The following CDC42BPA variants were observed in gnomAD, a reference collection of about 807,000 sequenced individuals.
CDC42BPA encodes the protein serine/threonine-protein kinase MRCK alpha.
A neutral mutation model predicts 223.5 loss-of-function variants in CDC42BPA; 80 were observed. That is an observed-to-expected ratio of 0.36 (90% CI 0.30 to 0.43). The LOEUF (loss-of-function observed/expected upper bound fraction) is 0.43. CDC42BPA is among the 20% of genes least tolerant of loss of function. CDC42BPA has a pLI of 1.00. For missense variants in CDC42BPA, 1,743 were observed against 2,099.9 expected (o/e 0.83, Z 3.32); for synonymous variants, 694 against 718.6 (o/e 0.97, Z 0.55).
intron 2 of CDC42BPA, among the ~76,000 whole-genome samples, chr1:227,230,539 T>C (rs940617640): frequency 3.9e-5 from 6 of 152,184 alleles, no homozygotes; most frequent in African/African-American, 7.2e-5. Context: ...ATCTTATGCA[T>C]TGTTAGGTTA....
chr1:227,203,707 A>AATTG (rs1672193469), intron 3 of CDC42BPA, among the ~76,000 whole-genome samples: 1 of 152,220 alleles, frequency 6.6e-6, no homozygotes, highest in Non-Finnish European at 1.5e-5. Flanking sequence ...ATGTTCATCC[A>AATTG]AACATTCAGC....
intron 3 of CDC42BPA, among the ~76,000 whole-genome samples, chr1:227,205,486 A>G (rs1672563165): frequency 6.6e-6 from 1 of 150,746 alleles, no homozygotes; most frequent in African/African-American, 2.4e-5. Flanking sequence ...GAGGATAAAT[A>G]AGAAACCCTT....
At chr1:227,272,599 G>A (rs779924006) in intron 1 of CDC42BPA, among the ~76,000 whole-genome samples, 6 of 152,082 alleles carry the variant, frequency 3.9e-5, no homozygotes, top group African/African-American at 1.4e-4. Context: ...AGGTGTTTTT[G>A]ATTTTAGATT....
At chr1:227,044,932 C>T (rs1178775224) in intron 23 of CDC42BPA, among the ~76,000 whole-genome samples, 1 of 152,170 alleles carries the variant, frequency 6.6e-6, no homozygotes, top group Non-Finnish European at 1.5e-5. Context: ...CCAGACTCTT[C>T]TAAGGAACTG....
intron 3 of CDC42BPA, among the ~76,000 whole-genome samples, chr1:227,206,354 C>T (rs1672716728): frequency 1.3e-5 from 2 of 151,498 alleles, no homozygotes; most frequent in African/African-American, 2.4e-5. Flanking sequence ...AATTATTGGA[C>T]ATTATATTAT....
At chr1:227,028,599 G>T in intron 30 of CDC42BPA, 58 bp downstream of exon 30, 1 of 1,177,582 alleles carries the variant, frequency 8.5e-7, no homozygotes. Flanking sequence ...AGACGAAGTA[G>T]AAGGGAAAAG....
intron 9 of CDC42BPA, among the ~76,000 whole-genome samples, chr1:227,140,111 C>T (rs1487370168): frequency 4.6e-5 from 7 of 152,278 alleles, no homozygotes; most frequent in African/African-American, 1.7e-4. Context: ...GCACCAACCA[C>T]GGCCCTCTTT....
At chr1:227,026,878 G>C (rs1668356409) in intron 30 of CDC42BPA, among the ~76,000 whole-genome samples, 1 of 152,150 alleles carries the variant, frequency 6.6e-6, no homozygotes, top group Admixed American at 6.5e-5. Flanking sequence ...GCAATGGCAT[G>C]ATCATAGCTC....
intron 2 of CDC42BPA, among the ~76,000 whole-genome samples, chr1:227,248,672 CAA>C (rs1294068999): frequency 6.6e-6 from 1 of 151,632 alleles, no homozygotes; most frequent in Admixed American, 6.6e-5. Flanking sequence ...AAAAATTCAT[CAA>C]GTTATCTATG....
intron 14 of CDC42BPA, among the ~76,000 whole-genome samples, chr1:227,108,729 T>C (rs975236202): frequency 2.0e-5 from 3 of 152,154 alleles, no homozygotes; most frequent in Admixed American, 2.0e-4. Flanking sequence ...CATCCTCCCA[T>C]ATACTTTAAA....
At chr1:227,255,974 GAA>G (rs1054139686) in intron 1 of CDC42BPA, among the ~76,000 whole-genome samples, 4 of 152,076 alleles carry the variant, frequency 2.6e-5, no homozygotes, top group African/African-American at 9.7e-5. Context: ...TGGAGAGAGA[GAA>G]AAGACAACCC....
chr1:227,079,188 T>A (rs952224974), intron 17 of CDC42BPA, among the ~76,000 whole-genome samples: 1 of 152,164 alleles, frequency 6.6e-6, no homozygotes, highest in African/African-American at 2.4e-5. Flanking sequence ...CATTTCTAAA[T>A]AAAAAGTAGG....
At chr1:227,305,981 T>C (rs1692468243) in intron 1 of CDC42BPA, among the ~76,000 whole-genome samples, 1 of 151,768 alleles carries the variant, frequency 6.6e-6, no homozygotes, top group Non-Finnish European at 1.5e-5. Flanking sequence ...ACTAAATAAA[T>C]AAATAAAGTG....
At chr1:227,170,673 G>A (rs1463669337) in intron 5 of CDC42BPA, among the ~76,000 whole-genome samples, 2 of 152,086 alleles carry the variant, frequency 1.3e-5, no homozygotes, top group Non-Finnish European at 2.9e-5. Flanking sequence ...TGCATTGAAT[G>A]ACTGATAAGG....
intron 12 of CDC42BPA, among the ~76,000 whole-genome samples, chr1:227,116,548 G>A (rs1687803632): frequency 6.6e-6 from 1 of 152,126 alleles, no homozygotes; most frequent in Non-Finnish European, 1.5e-5. Context: ...CTGTACTGAG[G>A]TTCTAGCTAA....
At chr1:227,105,356 CTTTTTTTTTT>C (rs35065841) in intron 14 of CDC42BPA, among the ~76,000 whole-genome samples, 3 of 91,654 alleles carry the variant, frequency 3.3e-5, no homozygotes, top group Non-Finnish European at 6.3e-5. Flanking sequence ...TGCCTATTCT[CTTTTTTTTTT>C]TTTTTTTTTT....
At chr1:227,028,043 G>A (rs894657026) in intron 30 of CDC42BPA, among the ~76,000 whole-genome samples, 1 of 151,102 alleles carries the variant, frequency 6.6e-6, no homozygotes, top group Non-Finnish European at 1.5e-5. Flanking sequence ...CTGCTTCAGT[G>A]TAAGAGTTGG....
chr1:227,162,868 ATG>A lies in CDC42BPA; in HGVS notation c.600-2234_600-2233del, dbSNP rs36157906. ...AAAAAATAAAATAAAATAAATATAT[ATG>A]TGTGTGTGTGTGTGTGTTTCCAAAC... On this transcript the variant is annotated intron_variant, in intron 5 of 36. Coordinates refer to ENST00000366766, the MANE Select transcript of CDC42BPA (RefSeq NM_001394014.1). Among the ~76,000 whole-genome samples the A allele has an allele frequency of 9.4e-5, 14 of 149,466 alleles. No homozygotes were observed. In the South Asian group the frequency reaches 1.7e-3, roughly 18 times the overall value.
intron 12 of CDC42BPA, among the ~76,000 whole-genome samples, chr1:227,114,711 G>A (rs993439591): frequency 6.6e-6 from 1 of 152,034 alleles, no homozygotes; most frequent in African/African-American, 2.4e-5. Flanking sequence ...CATTTTGAGT[G>A]CCAACATGAT....
Sources: allele counts gnomAD v4.1 joint callset (sites outside exome capture counted in the v4.1 genomes callset), GRCh38; gene constraint gnomAD v4.1.1; transcripts MANE v1.5; gene names NCBI Gene and HGNC (gene_info 2026-07-23, HGNC 2026-07-21).